The following MAPK6 variants were observed in gnomAD, a reference collection of about 807,000 sequenced individuals.
MAPK6 encodes the protein mitogen-activated protein kinase 6, also known as ERK-3.
A neutral mutation model predicts 59.3 loss-of-function variants in MAPK6; 19 were observed. The observed-to-expected ratio is 0.32, with a 90% CI of 0.22 to 0.47. The LOEUF (loss-of-function observed/expected upper bound fraction) is 0.47. Ranked by LOEUF, MAPK6 falls within the 20% of genes least tolerant of loss-of-function variation. MAPK6 has a pLI of 1.00. For synonymous variants in MAPK6, 316 were observed against 290.3 expected (o/e 1.09, Z -0.90); for missense variants, 724 against 847.9 (o/e 0.85, Z 1.81).
rs772606063 is a variant in MAPK6, at chr15:52,058,633, G to A, written c.701G>A (p.Gly234Asp). The change falls in exon 4 of 6, where the codon GGT (glycine) becomes GAT (aspartate). Residue 234 changes from glycine to aspartate, a missense_variant and splice_region_variant. By Grantham distance (94) the Gly-to-Asp change is moderately conservative. This residue lies in a region of MAPK6 where 105 missense variants were observed against 191.9 expected (regional missense o/e 0.55). Coordinates refer to ENST00000261845, the MANE Select transcript of MAPK6 (RefSeq NM_002748.4). Reference sequence around the variant, plus strand: ...TTTTTTGTTTGTTTTTTAACCTCAGGTGCACATGAACTTGAACAGATGCAG... The same window carrying A: ...TTTTTTGTTTGTTTTTTAACCTCAGATGCACATGAACTTGAACAGATGCAG... ...EMLTGKTLFA[G>D]AHELEQMQLI... 6.3e-7 allele frequency: 1 copy of A among 1,596,710 alleles called. No homozygotes were observed. Among genetic ancestry groups the A allele is most frequent in the Non-Finnish European group, 8.5e-7 (1 of 1,170,564 alleles).
chr15:52,035,037 C>T (rs1451085492), intron 1 of MAPK6, among the ~76,000 whole-genome samples: 1 of 152,198 alleles, frequency 6.6e-6, no homozygotes, highest in Admixed American at 6.5e-5. Context: ...TTTACTGAAC[C>T]TTTGAGCTCT....
chr15:52,036,200 T>G (rs1333572320), intron 1 of MAPK6, among the ~76,000 whole-genome samples: 4 of 152,208 alleles, frequency 2.6e-5, no homozygotes, highest in African/African-American at 7.2e-5. Flanking sequence ...TTAGCCACTT[T>G]GTTTTCCTGA....
chr15:52,063,443 A>C (rs1213207447), intron 5 of MAPK6, among the ~76,000 whole-genome samples: 1 of 152,224 alleles, frequency 6.6e-6, no homozygotes, highest in Admixed American at 6.5e-5. Context: ...GTAATAGGAT[A>C]GCGCATTCAG....
intron 3 of MAPK6, among the ~76,000 whole-genome samples, chr15:52,004,776 C>G (rs1378369991): frequency 1.3e-5 from 2 of 152,144 alleles, no homozygotes; most frequent in African/African-American, 4.8e-5. Flanking sequence ...GAGAGTGGAG[C>G]CCCCATGACC....
intron 3 of MAPK6, among the ~76,000 whole-genome samples, chr15:52,007,337 G>A (rs1271841601): frequency 2.6e-5 from 4 of 152,022 alleles, no homozygotes; most frequent in African/African-American, 4.8e-5. Context: ...TGGGGGGTGG[G>A]GTTCTAGCAA....
At chr15:52,012,959 C>G (rs2141833315) in intron 3 of MAPK6, among the ~76,000 whole-genome samples, 1 of 131,010 alleles carries the variant, frequency 7.6e-6, no homozygotes, top group East Asian at 2.4e-4. Flanking sequence ...TATACTCCAG[C>G]CTGGGCGACA....
At position 52,058,766 on chromosome 15, in the gene MAPK6, A is replaced by G. The variant is rs372747726; in HGVS notation, c.834A>G (p.Leu278=). ...RNDMTEPHKP[L]TQLLPGISRE... Reference sequence around the variant, plus strand: ...ACATGACTGAGCCACACAAACCTTTAACTCAGCTGCTTCCAGGAATTAGTC... The same window carrying G: ...ACATGACTGAGCCACACAAACCTTTGACTCAGCTGCTTCCAGGAATTAGTC... Residue 278 remains leucine, a synonymous_variant, in exon 4 of 6, where the codon TTA becomes TTG. Transcript: ENST00000261845. 1.9e-6 allele frequency: 3 copies of G among 1,612,548 alleles called. No individual in the cohort carries two copies. In the African/African-American group the frequency reaches 4.0e-5, roughly 22 times the overall value.
At chr15:51,998,722 G>C (rs1383567913) in intron 2 of MAPK6, among the ~76,000 whole-genome samples, 1 of 4,406 alleles carries the variant, frequency 2.3e-4, no homozygotes, top group Admixed American at 5.1e-3. Flanking sequence ...ACGGAGTCTC[G>C]CTCTGCCGCC....
intron 3 of MAPK6, chr15:52,056,584 C>T (rs1449654379): frequency 6.6e-6 from 1 of 151,970 alleles, no homozygotes; most frequent in Non-Finnish European, 1.5e-5. Flanking sequence ...AATTCTAAGT[C>T]CTCATTTTGA....
At chr15:52,058,854 T>C (rs752358819) in intron 4 of MAPK6, 57 bp downstream of exon 4, 24 of 1,436,474 alleles carry the variant, frequency 1.7e-5, no homozygotes, top group Non-Finnish European at 2.1e-5. Flanking sequence ...GCAGAATCTG[T>C]GTAGGGAAGC....
At chr15:52,010,591 T>A (rs2030027014) in intron 3 of MAPK6, among the ~76,000 whole-genome samples, 1 of 147,394 alleles carries the variant, frequency 6.8e-6, no homozygotes, top group Admixed American at 6.9e-5. Context: ...CGATCTTGGC[T>A]CACTACAACC....
intron 1 of MAPK6, among the ~76,000 whole-genome samples, chr15:52,027,469 A>T (rs2030845449): frequency 6.6e-6 from 1 of 150,952 alleles, no homozygotes; most frequent in Admixed American, 6.6e-5. Context: ...TTTTATGCTT[A>T]AGATTCCAAT....
At chr15:52,050,167 C>T in intron 3 of MAPK6, 30 bp downstream of exon 3, 1 of 1,577,388 alleles carries the variant, frequency 6.3e-7, no homozygotes, top group Non-Finnish European at 8.5e-7. Context: ...AAAAATTTTC[C>T]CAAAGAGAAG....
intron 1 of MAPK6, among the ~76,000 whole-genome samples, chr15:52,027,313 G>C (rs1004469923): frequency 1.4e-5 from 2 of 139,128 alleles, no homozygotes; most frequent in Non-Finnish European, 1.5e-5. Context: ...TCGTGCCACT[G>C]TACTCCAGGC....
rs180738524 is a variant in MAPK6, at chr15:52,054,751, T to C, written c.701-3882T>C. ...CTATACACACACACACACACACACA[T>C]ATACACATACATAGATACACACATA... On this transcript the variant is annotated intron_variant, in intron 3 of 5. Coordinates refer to ENST00000261845, the MANE Select transcript of MAPK6 (RefSeq NM_002748.4). Among the ~76,000 whole-genome samples, 127 of 117,336 alleles carry C rather than the reference T, an allele frequency of 1.1e-3. 1 individual carries two copies. Among genetic ancestry groups the C allele is most frequent in the African/African-American group, 3.2e-3 (99 of 30,884 alleles). The allele number at this position is 117,336 out of a possible 152,430, so 77.0% of individuals were successfully genotyped here.
At chr15:51,981,442 A>G (rs2057173014) in intron 1 of MAPK6, among the ~76,000 whole-genome samples, 1 of 151,392 alleles carries the variant, frequency 6.6e-6, no homozygotes, top group South Asian at 2.1e-4. Context: ...ACTGCAGTCC[A>G]GCCTGGGTGA....
At chr15:52,056,612 T>G (rs538434221) in intron 3 of MAPK6, 4 of 152,328 alleles carry the variant, frequency 2.6e-5, no homozygotes, top group Non-Finnish European at 5.9e-5. Flanking sequence ...CCAGCATTTG[T>G]TGCAATTGAT....
chr15:51,979,936 A>C (rs1173204255), intron 1 of MAPK6, among the ~76,000 whole-genome samples: 1 of 151,910 alleles, frequency 6.6e-6, no homozygotes, highest in Non-Finnish European at 1.5e-5. Flanking sequence ...GAGAGAAGAG[A>C]AACATTACTT....
At chr15:51,996,015 A>C (rs984244257) in intron 2 of MAPK6, among the ~76,000 whole-genome samples, 3 of 152,226 alleles carry the variant, frequency 2.0e-5, no homozygotes, top group Non-Finnish European at 4.4e-5. Context: ...CACCGCTTTC[A>C]GCCTTGGTAA....
Sources: allele counts gnomAD v4.1 joint callset (sites outside exome capture counted in the v4.1 genomes callset), GRCh38; gene constraint gnomAD v4.1.1; regional missense constraint gnomAD v4.1.1; transcripts MANE v1.5; gene names NCBI Gene and HGNC (gene_info 2026-07-23, HGNC 2026-07-21).